Variants in HERC3 observed in about 807,000 individuals in gnomAD.
The protein encoded by HERC3 is probable E3 ubiquitin-protein ligase HERC3.
HERC3 carries 58 observed loss-of-function variants against 129.9 expected under a neutral mutation model. The ratio of observed to expected loss-of-function variants is 0.45; its 90% confidence interval spans 0.36 to 0.56. HERC3 has a LOEUF of 0.56. Among genes scored for constraint, HERC3 ranks in the 20% least tolerant of loss-of-function variants. HERC3 has a pLI of 0.00. For synonymous variants in HERC3, 430 were observed against 451.0 expected (o/e 0.95, Z 0.59); for missense variants, 835 against 1,244.2 (o/e 0.67, Z 4.95).
chr4:88,686,193 A>G (rs112346589), intron 21 of HERC3, among the ~76,000 whole-genome samples: 105 of 152,286 alleles, frequency 6.9e-4, no homozygotes, highest in African/African-American at 2.4e-3. Flanking sequence ...GGCCCAAGGC[A>G]ATTCTTCTTC....
chr4:88,668,078 C>T lies in HERC3; in HGVS notation c.1630C>T (p.Leu544=). ...GCTGGATACAAACCCCAGCAAAGTA[C>T]TAGGTGAATTTGCTAACCTCGATAT... ...LRLDTNPSKV[L]DNWWSQVCPK... The change falls in exon 14 of 26, where the codon CTA becomes TTA. Residue 544 remains leucine (L), a synonymous_variant. Transcript: ENST00000402738. 1 of 1,611,824 alleles carries T rather than the reference C, an allele frequency of 6.2e-7. No individual in the cohort carries two copies. The highest frequency in any genetic ancestry group is 8.5e-7 in the Non-Finnish European group (1 of 1,178,464).
chr4:88,702,124 G>A (rs1396075509), intron 23 of HERC3, among the ~76,000 whole-genome samples: 2 of 152,076 alleles, frequency 1.3e-5, no homozygotes, highest in East Asian at 3.8e-4. Flanking sequence ...TAATGTCTTT[G>A]TTTTTAAAAA....
the HERC3 span, among the ~76,000 whole-genome samples, chr4:88,558,672 C>G: frequency 6.6e-6 from 1 of 152,024 alleles, no homozygotes; most frequent in Non-Finnish European, 1.5e-5. Context: ...TTTAGAAATT[C>G]TCATTGAGAG....
chr4:88,571,742 G>T, the HERC3 span, among the ~76,000 whole-genome samples: 1 of 152,078 alleles, frequency 6.6e-6, no homozygotes, highest in Non-Finnish European at 1.5e-5. Flanking sequence ...ACCTATATTT[G>T]TGGTATAATC....
chr4:88,681,135 C>G (rs1171006402), intron 20 of HERC3, 24 bp from the exon 21 acceptor site: 19 of 1,561,456 alleles, frequency 1.2e-5, no homozygotes, highest in Non-Finnish European at 1.6e-5. Flanking sequence ...TTCTTTTTAA[C>G]ACATTTGTAT....
the HERC3 span, among the ~76,000 whole-genome samples, chr4:88,558,071 C>CAAAAAAAAAAAAAAAAAAAAAAAAAA: frequency 2.6e-5 from 1 of 39,156 alleles, no homozygotes; most frequent in Non-Finnish European, 6.6e-5. Flanking sequence ...GACTCTGACT[C>CAAAAAAAAAAAAAAAAAAAAAAAAAA]AAAAAAAAAA....
rs577556102 is a variant in HERC3 at position 88,680,030 on chromosome 4, T to C, written c.2197-63T>C. On this transcript the variant is annotated intron_variant, in intron 19 of 25. Coordinates refer to ENST00000402738, the MANE Select transcript of HERC3 (RefSeq NM_014606.3). ...GTCCTGAGTTTAGAAAATGGTCTGC[T>C]AAAAAGAGATAAAATGTGTCATAGA... The C allele has an allele frequency of 1.2e-3, 1,741 of 1,465,818 alleles. 6 individuals are homozygous for C. Among genetic ancestry groups the C allele is most frequent in the Non-Finnish European group, 1.5e-3 (1,645 of 1,075,834 alleles). The allele number at this position is 1,465,818 out of a possible 1,614,324, so 90.8% of individuals were successfully genotyped here.
intron 21 of HERC3, among the ~76,000 whole-genome samples, chr4:88,684,084 A>G (rs975474768): frequency 6.6e-6 from 1 of 152,246 alleles, no homozygotes; most frequent in Non-Finnish European, 1.5e-5. Context: ...CCATCAAGCT[A>G]CCATTGACTT....
the HERC3 span, among the ~76,000 whole-genome samples, chr4:88,578,944 G>C: frequency 1.3e-5 from 2 of 152,132 alleles, no homozygotes; most frequent in Non-Finnish European, 2.9e-5. Context: ...GAAACATTGT[G>C]ACTGGGAACT....
rs7655023 is a variant in HERC3, at chr4:88,604,245, C to A, written c.-29-1550C>A. Among the ~76,000 whole-genome samples, 1,149 of 152,300 alleles carry A rather than the reference C, an allele frequency of 7.5e-3. 12 individuals are homozygous for A. Among genetic ancestry groups the A allele is most frequent in the African/African-American group, 0.027 (1,112 of 41,562 alleles). ...TGTTGGTCAGGCTGGTGTGGAACTC[C>A]CGACCTCAGGTGGTCCGCCCGCCTT... On this transcript the variant is annotated intron_variant, in intron 2 of 25. Coordinates refer to ENST00000402738, the MANE Select transcript of HERC3 (RefSeq NM_014606.3).
At chr4:88,657,273 T>C (rs1038557657) in intron 9 of HERC3, 1 of 152,202 alleles carries the variant, frequency 6.6e-6, no homozygotes, top group Non-Finnish European at 1.5e-5. Context: ...ACAGACAAAC[T>C]CTTTTCCTTT....
chr4:88,687,239 T>A lies in HERC3; in HGVS notation c.2597T>A (p.Val866Glu), dbSNP rs1368279317. ...TAGATCTGCCGAGAAAGCTATGGAGTGATTGAACAGAAGAAGCTGATACCT... is the reference window on the plus strand; with the variant it reads ...TAGATCTGCCGAGAAAGCTATGGAGAGATTGAACAGAAGAAGCTGATACCT... ...NFTICRESYG[V>E]IEQKKLIPGG... The change falls in exon 23 of 26, where the codon GTG (valine) becomes GAG (glutamate). Residue 866 changes from valine to glutamate, a missense_variant. Coordinates refer to ENST00000402738, the MANE Select transcript of HERC3 (RefSeq NM_014606.3). 2.5e-6 allele frequency: 4 copies of A among 1,612,154 alleles called. No homozygotes were observed. Among genetic ancestry groups the A allele is most frequent in the Non-Finnish European group, 3.4e-6 (4 of 1,178,670 alleles).
intron 23 of HERC3, among the ~76,000 whole-genome samples, chr4:88,688,988 C>G (rs1733774548): frequency 6.6e-6 from 1 of 152,032 alleles, no homozygotes; most frequent in Admixed American, 6.6e-5. Context: ...TCTTTGGAAG[C>G]CTTTAGAGAG....
At chr4:88,668,700 C>T (rs1468933546) in intron 14 of HERC3, 2 of 153,252 alleles carry the variant, frequency 1.3e-5, no homozygotes, top group African/African-American at 2.4e-5. Context: ...ACTTTTTTCC[C>T]CCCTGGTAAA....
At chr4:88,580,338 A>T in the HERC3 span, among the ~76,000 whole-genome samples, 1 of 152,090 alleles carries the variant, frequency 6.6e-6, no homozygotes, top group African/African-American at 2.4e-5. Flanking sequence ...CAGCCTGGCC[A>T]ACAGGATGAA....
the HERC3 span, among the ~76,000 whole-genome samples, chr4:88,543,807 C>T: frequency 7.2e-5 from 11 of 152,136 alleles, no homozygotes; most frequent in Non-Finnish European, 2.9e-5. Context: ...CTGACAAAAA[C>T]AAGAAATGGG....
At chr4:88,666,141 T>A (rs1176902970) in intron 12 of HERC3, among the ~76,000 whole-genome samples, 2 of 152,186 alleles carry the variant, frequency 1.3e-5, no homozygotes, top group Non-Finnish European at 2.9e-5. Flanking sequence ...TGGGAAGGGC[T>A]CTTGGCCAGA....
the HERC3 span, among the ~76,000 whole-genome samples, chr4:88,582,244 T>C: frequency 6.6e-6 from 1 of 152,214 alleles, no homozygotes; most frequent in Non-Finnish European, 1.5e-5. Flanking sequence ...TTTTTTTTAA[T>C]GTCAAGATTT....
chr4:88,617,609 C>T lies in HERC3; in HGVS notation c.226+11560C>T, dbSNP rs566852913. On this transcript the variant is annotated intron_variant, in intron 3 of 25. Transcript: ENST00000402738. ...TAGGGAGGCTGGGTGCAGTGGCTCA[C>T]GCCTGTAAGCCCAGCACTTTGGGAG... is the stretch of plus-strand genomic sequence containing the variant. Among the ~76,000 whole-genome samples, 8 of 152,230 alleles carry T rather than the reference C, an allele frequency of 5.3e-5. No homozygotes were observed. The East Asian group carries it at 5.8e-4, about 11-fold the overall frequency.
Sources: gnomAD v4.1 joint callset for allele counts (sites outside exome capture counted in the v4.1 genomes callset) on GRCh38, gnomAD v4.1.1 for gene constraint, MANE v1.5 for transcripts, NCBI Gene and HGNC (gene_info 2026-07-23, HGNC 2026-07-21) for gene names.